The following CCDC178 variants were observed in gnomAD, a reference collection of about 807,000 sequenced individuals.
The protein encoded by CCDC178 is coiled-coil domain containing 178, also known as coiled-coil domain-containing protein 178.
In CCDC178, 126 loss-of-function variants were observed where a neutral mutation model predicts 117.4. The observed-to-expected ratio is 1.07, with a 90% CI of 0.93 to 1.24. The LOEUF (loss-of-function observed/expected upper bound fraction) is 1.24, where lower values mean the gene tolerates loss of function less well. Ranked by LOEUF, CCDC178 falls within the 50% of genes most tolerant of loss-of-function variation. The probability of loss-of-function intolerance (pLI) is 0.00; values close to 1 mark genes in which losing one functional copy is unlikely to be tolerated. For missense variants in CCDC178, 1,030 were observed against 986.9 expected (o/e 1.04, Z -0.59); for synonymous variants, 283 against 313.4 (o/e 0.90, Z 1.02).
intron 2 of CCDC178, among the ~76,000 whole-genome samples, chr18:33,428,818 GA>G (rs990959057): frequency 3.4e-5 from 5 of 146,936 alleles, no homozygotes; most frequent in African/African-American, 7.6e-5. Flanking sequence ...TTCCTAGGGT[GA>G]AAAAAAGTAA....
intron 20 of CCDC178, among the ~76,000 whole-genome samples, chr18:33,164,570 T>A (rs1329952950): frequency 6.6e-6 from 1 of 151,942 alleles, no homozygotes; most frequent in East Asian, 1.9e-4. Flanking sequence ...AATAACATAT[T>A]TTTTGTGCAA....
In CCDC178 at chr18:33,267,003, G is replaced by T; in HGVS notation, c.1322C>A (p.Ala441Asp). 1 of 1,600,426 alleles carries T rather than the reference G, an allele frequency of 6.2e-7. No homozygotes were observed. The highest frequency in any genetic ancestry group is 8.5e-7 in the Non-Finnish European group (1 of 1,176,128). ...CAGTTTTGTACATGCCAAAGAAATA[G>T]CTGAAAAATCTTTTGCAACATCAGA... Reference protein sequence around the residue: ...ELSDVAKDFSAISLACTKLTE... With the variant: ...ELSDVAKDFSDISLACTKLTE... The change falls in exon 14 of 23, where the codon GCT (alanine) becomes GAT (aspartate). Residue 441 changes from alanine (A) to aspartate (D), a missense_variant. Physicochemically the swap from Ala to Asp is moderately radical, Grantham distance 126. Transcript: ENST00000383096.
chr18:32,979,035 TAAAA>T (rs778115678), intron 21 of CCDC178, among the ~76,000 whole-genome samples: 2 of 112,042 alleles, frequency 1.8e-5, no homozygotes, highest in Non-Finnish European at 3.8e-5. Flanking sequence ...AGAATCCGTC[TAAAA>T]AAAAAAAAAG....
At chr18:33,032,241 T>C (rs1047350056) in intron 21 of CCDC178, among the ~76,000 whole-genome samples, 5 of 152,168 alleles carry the variant, frequency 3.3e-5, no homozygotes, top group African/African-American at 1.2e-4. Context: ...TGTTTTGTTT[T>C]GGCTAGTCCC....
At chr18:33,349,869 C>G (rs148113559) in intron 7 of CCDC178, among the ~76,000 whole-genome samples, 89 of 151,810 alleles carry the variant, frequency 5.9e-4, no homozygotes, top group African/African-American at 2.0e-3. Flanking sequence ...AAATTAGAGT[C>G]ACAATTATAC....
intron 20 of CCDC178, among the ~76,000 whole-genome samples, chr18:33,173,979 T>G (rs1361063593): frequency 6.6e-6 from 1 of 152,190 alleles, no homozygotes; most frequent in Non-Finnish European, 1.5e-5. Flanking sequence ...GTTAGGCCAT[T>G]CTTGCACTGC....
At chr18:33,307,629 G>T (rs2062274345) in intron 11 of CCDC178, among the ~76,000 whole-genome samples, 2 of 152,162 alleles carry the variant, frequency 1.3e-5, no homozygotes, top group Admixed American at 1.3e-4. Context: ...TCCAGGGCAT[G>T]TCAGAGACCT....
At chr18:33,055,776 G>A (rs945862215) in intron 21 of CCDC178, among the ~76,000 whole-genome samples, 27 of 151,294 alleles carry the variant, frequency 1.8e-4, no homozygotes, top group Non-Finnish European at 2.9e-4. Context: ...ACTACTATAG[G>A]GATAGGTTTA....
intron 21 of CCDC178, among the ~76,000 whole-genome samples, chr18:33,051,734 T>G (rs2056751278): frequency 6.6e-6 from 1 of 152,196 alleles, no homozygotes; most frequent in Admixed American, 6.5e-5. Context: ...GCGCCAGTGG[T>G]CACTGCTGAC....
At chr18:33,280,479 A>T (rs2060009221) in intron 12 of CCDC178, among the ~76,000 whole-genome samples, 3 of 151,762 alleles carry the variant, frequency 2.0e-5, no homozygotes, top group Admixed American at 6.6e-5. Flanking sequence ...ATGGGGAGAA[A>T]TAGGAACACT....
rs202173698 is a variant in CCDC178, at chr18:33,323,550, T to G, written c.963A>C (p.Gln321His). ...TATCCTTATCAATCTCTTCTTTAAT[T>G]TGCTGAGCCTTCAATCTGGCATTTT... ...ACENARLKAQ[Q>H]IKEEIDKDIY... The change falls in exon 11 of 23, where the codon CAA becomes CAC. Residue 321 changes from glutamine to histidine, a missense_variant. Gln to His is a conservative substitution (Grantham distance 24, BLOSUM62 0). Transcript: ENST00000383096. 9.5e-6 allele frequency: 15 copies of G among 1,576,230 alleles called. No homozygotes were observed. The highest frequency in any genetic ancestry group is 1.3e-5 in the Non-Finnish European group (15 of 1,160,994).
At chr18:33,302,540 A>AGTATTGAAGAACTCATAT (rs2062190391) in intron 11 of CCDC178, among the ~76,000 whole-genome samples, 1 of 152,210 alleles carries the variant, frequency 6.6e-6, no homozygotes, top group Non-Finnish European at 1.5e-5. Flanking sequence ...AAAGGAAATC[A>AGTATTGAAGAACTCATAT]GTATTGAAGA....
At chr18:33,176,932 T>C (rs1048703111) in intron 20 of CCDC178, among the ~76,000 whole-genome samples, 4 of 152,244 alleles carry the variant, frequency 2.6e-5, no homozygotes, top group African/African-American at 4.8e-5. Context: ...ATCTCACTTA[T>C]ACTTTTCAAC....
chr18:33,232,943 T>C (rs2059384165), intron 15 of CCDC178, among the ~76,000 whole-genome samples: 1 of 152,138 alleles, frequency 6.6e-6, no homozygotes, highest in South Asian at 2.1e-4. Flanking sequence ...TTAAACACTA[T>C]TCTATTATTG....
At position 33,009,149 on chromosome 18, in the gene CCDC178, A is replaced by G. The variant is rs563035438; in HGVS notation, c.2389-34468T>C. Among the ~76,000 whole-genome samples, 3 of 152,148 alleles carry G rather than the reference A, an allele frequency of 2.0e-5. No individual in the cohort carries two copies. The South Asian group carries it at 6.2e-4, about 32-fold the overall frequency. On this transcript the variant is annotated intron_variant, in intron 21 of 22. Transcript: ENST00000383096. ...ACCCTGAATTTGACCACTTTTCACT[A>G]CTGCCATGGGCACCATCTTGATCCA...
At chr18:33,357,955 C>T (rs1195750135) in intron 6 of CCDC178, among the ~76,000 whole-genome samples, 3 of 119,118 alleles carry the variant, frequency 2.5e-5, no homozygotes, top group Non-Finnish European at 4.9e-5. Context: ...TGTCATTGTG[C>T]GAACATCATA....
chr18:33,145,091 T>A (rs888312537), intron 20 of CCDC178, among the ~76,000 whole-genome samples: 2 of 152,206 alleles, frequency 1.3e-5, no homozygotes, highest in African/African-American at 4.8e-5. Context: ...TTATATCTGA[T>A]AATTATGAGC....
rs746105199 is a variant in CCDC178 at position 33,328,097 on chromosome 18, T to TG, written c.880-4465_880-4464insC. The TG allele has an allele frequency of 3.3e-4, 54 of 166,054 alleles. 1 individual carries two copies. Among genetic ancestry groups the TG allele is most frequent in the Non-Finnish European group, 4.2e-4 (44 of 103,926 alleles). 10.3% of individuals were successfully genotyped at this position (166,054 alleles called of 1,614,324 possible). On this transcript the variant is annotated intron_variant, in intron 10 of 22. Coordinates refer to ENST00000383096, the MANE Select transcript of CCDC178 (RefSeq NM_001105528.4). ...TTTATCCCTAGATTTTTTTTTTTTT[T>TG]TTTTTTTTTTTTTTTTTTTTTTTGA...
intron 21 of CCDC178, among the ~76,000 whole-genome samples, chr18:33,064,183 T>C (rs1459116772): frequency 6.6e-6 from 1 of 152,044 alleles, no homozygotes; most frequent in Non-Finnish European, 1.5e-5. Flanking sequence ...ACAATAATTC[T>C]CCCATAGTAG....
Sources: gnomAD v4.1 joint callset for allele counts (sites outside exome capture counted in the v4.1 genomes callset) on GRCh38, gnomAD v4.1.1 for gene constraint, MANE v1.5 for transcripts, NCBI Gene and HGNC (gene_info 2026-07-23, HGNC 2026-07-21) for gene names.